The following TBC1D19 variants were observed in gnomAD, a reference collection of about 807,000 sequenced individuals.
TBC1D19 encodes TBC1 domain family member 19.
TBC1D19 carries 60 observed loss-of-function variants against 89.0 expected under a neutral mutation model. The ratio of observed to expected loss-of-function variants is 0.67; its 90% CI spans 0.55 to 0.84. The LOEUF is 0.84. Among genes scored for constraint, TBC1D19 ranks in the 40% least tolerant of loss-of-function variants. The pLI is 0.00. For missense variants in TBC1D19, 500 were observed against 610.8 expected (o/e 0.82, Z 1.91); for synonymous variants, 189 against 199.7 (o/e 0.95, Z 0.45).
chr4:26,681,158 A>G lies in TBC1D19; in HGVS notation c.817-2517A>G, dbSNP rs182514323. ...ATGTTTAAAAGAGGTGAGTACATAG[A>G]TAAAATGTGCTCTCGTGTTGCTGGT... On this transcript the variant is annotated intron_variant, in intron 11 of 20. Transcript: ENST00000264866. Among the ~76,000 whole-genome samples the G allele has an allele frequency of 3.3e-4, 50 of 152,288 alleles. 1 individual carries two copies. The East Asian group carries it at 9.1e-3, about 28-fold the overall frequency.
At chr4:26,674,680 A>G (rs928807789) in intron 11 of TBC1D19, among the ~76,000 whole-genome samples, 1 of 152,060 alleles carries the variant, frequency 6.6e-6, no homozygotes, top group Non-Finnish European at 1.5e-5. Context: ...GTTAACCCAC[A>G]CTTAAATATA....
rs1314851379 is a variant in TBC1D19 at position 26,640,138 on chromosome 4, T to C, written c.434-3T>C. 2 of 1,604,788 alleles carry C rather than the reference T, an allele frequency of 1.2e-6. No individual in the cohort carries two copies. Among genetic ancestry groups the C allele is most frequent in the South Asian group, 2.2e-5 (2 of 89,694 alleles). On this transcript the variant is annotated splice_polypyrimidine_tract_variant and splice_region_variant and intron_variant, in intron 6 of 20. Transcript: ENST00000264866. ...ATTTTGTTTATAATCTATCTTATTC[T>C]AGATTTAAGCCTTTTCAGACCTGTT...
In TBC1D19 at chr4:26,733,483, A is replaced by T. The variant is rs199850415; in HGVS notation, c.1085-1972A>T. On this transcript the variant is annotated intron_variant, in intron 15 of 20. Transcript: ENST00000264866. ...AAGACACACACACACACACACACAC[A>T]CTCTTTAGTGATAGAACCGGATGAA... Among the ~76,000 whole-genome samples the T allele has an allele frequency of 2.2e-5, 3 of 138,136 alleles. No individual in the cohort carries two copies. The South Asian group carries it at 7.1e-4, about 33-fold the overall frequency. The allele number at this position is 138,136 out of a possible 152,430, so 90.6% of individuals were successfully genotyped here.
intron 13 of TBC1D19, among the ~76,000 whole-genome samples, chr4:26,700,865 C>T (rs932815870): frequency 8.5e-5 from 13 of 152,110 alleles, no homozygotes; most frequent in African/African-American, 2.9e-4. Context: ...GCTTTTAATC[C>T]ATGTTCTACA....
intron 13 of TBC1D19, among the ~76,000 whole-genome samples, chr4:26,711,866 G>A (rs1415260863): frequency 2.0e-5 from 3 of 152,192 alleles, no homozygotes; most frequent in Non-Finnish European, 4.4e-5. Flanking sequence ...TAGAATAAGA[G>A]TTGGCAGCTC....
At chr4:26,750,339 G>A (rs1217366048) in intron 19 of TBC1D19, among the ~76,000 whole-genome samples, 1 of 152,134 alleles carries the variant, frequency 6.6e-6, no homozygotes, top group Non-Finnish European at 1.5e-5. Context: ...ATTTTAAAGA[G>A]ACATTAAAGC....
chr4:26,793,666 T>C, the TBC1D19 span, among the ~76,000 whole-genome samples: 2 of 139,376 alleles, frequency 1.4e-5, no homozygotes, highest in African/African-American at 5.5e-5. Context: ...GAGGTTGCAG[T>C]GAGCAGAGAT....
At chr4:26,779,591 C>T in the TBC1D19 span, among the ~76,000 whole-genome samples, 1 of 152,206 alleles carries the variant, frequency 6.6e-6, no homozygotes, top group African/African-American at 2.4e-5. Flanking sequence ...CTTGCTTGGT[C>T]TGCTGTGTGC....
chr4:26,744,394 A>G (rs2109321511), intron 18 of TBC1D19, among the ~76,000 whole-genome samples: 1 of 150,668 alleles, frequency 6.6e-6, no homozygotes, highest in African/African-American at 2.4e-5. Context: ...TTACTCTTAT[A>G]TTTATTATTT....
At chr4:26,688,456 T>C (rs373575628) in intron 13 of TBC1D19, 49 bp downstream of exon 13, 2 of 1,466,914 alleles carry the variant, frequency 1.4e-6, no homozygotes, top group Non-Finnish European at 9.1e-7. Flanking sequence ...AGGTTCTCTA[T>C]ATCATGATAC....
At chr4:26,785,059 G>C in the TBC1D19 span, among the ~76,000 whole-genome samples, 12 of 152,336 alleles carry the variant, frequency 7.9e-5, no homozygotes, top group African/African-American at 2.9e-4. Context: ...AGTTAAAACT[G>C]AGGCTCAGAG....
chr4:26,809,289 G>A, the TBC1D19 span, among the ~76,000 whole-genome samples: 1 of 152,170 alleles, frequency 6.6e-6, no homozygotes, highest in African/African-American at 2.4e-5. Flanking sequence ...CATGTTGCTA[G>A]GGCTTCCTTG....
At chr4:26,638,596 T>G (rs1054421669) in intron 5 of TBC1D19, among the ~76,000 whole-genome samples, 175 bp from the exon 6 acceptor site, 1 of 152,192 alleles carries the variant, frequency 6.6e-6, no homozygotes, top group African/African-American at 2.4e-5. Context: ...AGATATAACA[T>G]AATAGTTAAA....
At chr4:26,673,424 CATAT>C (rs769124292) in intron 10 of TBC1D19, among the ~76,000 whole-genome samples, 3 of 106,012 alleles carry the variant, frequency 2.8e-5, no homozygotes, top group African/African-American at 1.0e-4. Context: ...AAAATTATTT[CATAT>C]ATATATATAT....
the TBC1D19 span, among the ~76,000 whole-genome samples, chr4:26,848,040 G>A: frequency 6.6e-6 from 1 of 152,152 alleles, no homozygotes; most frequent in African/African-American, 2.4e-5. Flanking sequence ...CTGCAGTAAC[G>A]GATTTGGTAG....
intron 12 of TBC1D19, among the ~76,000 whole-genome samples, chr4:26,686,414 T>C (rs1713814083): frequency 6.6e-6 from 1 of 151,886 alleles, no homozygotes. Context: ...TGGTTTTGTG[T>C]TTTGTTTTTT....
At chr4:26,677,625 G>T (rs1322615948) in intron 11 of TBC1D19, among the ~76,000 whole-genome samples, 1 of 152,068 alleles carries the variant, frequency 6.6e-6, no homozygotes, top group South Asian at 2.1e-4. Context: ...ATATGGTTTG[G>T]CTGTGTCCCC....
At chr4:26,625,881 C>T (rs1017123409) in intron 4 of TBC1D19, among the ~76,000 whole-genome samples, 6 of 152,082 alleles carry the variant, frequency 3.9e-5, no homozygotes, top group Non-Finnish European at 8.8e-5. Flanking sequence ...CCCTGATCAT[C>T]TGACTGAGGT....
At chr4:26,664,517 T>A (rs1470324070) in intron 8 of TBC1D19, among the ~76,000 whole-genome samples, 2 of 152,140 alleles carry the variant, frequency 1.3e-5, no homozygotes, top group Non-Finnish European at 2.9e-5. Flanking sequence ...TACAAATGAT[T>A]TCAATTACAG....
Sources: gnomAD v4.1 joint callset for allele counts (sites outside exome capture counted in the v4.1 genomes callset) on GRCh38, gnomAD v4.1.1 for gene constraint, MANE v1.5 for transcripts, NCBI Gene and HGNC (gene_info 2026-07-23, HGNC 2026-07-21) for gene names.